Variants in KIFAP3 observed in about 807,000 individuals in gnomAD.
KIFAP3 encodes kinesin-associated protein 3.
A neutral mutation model predicts 106.5 loss-of-function variants in KIFAP3; 68 were observed. That is an observed-to-expected ratio of 0.64 (90% CI 0.53 to 0.78). The LOEUF is 0.78. Among genes scored for constraint, KIFAP3 ranks in the 30% least tolerant of loss-of-function variants. The pLI, the probability that KIFAP3 is intolerant of heterozygous loss-of-function variation, is 0.00. For synonymous variants in KIFAP3, 320 were observed against 311.5 expected, an observed-to-expected ratio of 1.03 and a Z score of -0.29; for missense variants, 780 against 941.8, an observed-to-expected ratio of 0.83 and a Z score of 2.25.
upstream of KIFAP3, among the ~76,000 whole-genome samples, chr1:170,077,061 T>G (rs1366672140): frequency 6.6e-6 from 1 of 152,058 alleles, no homozygotes; most frequent in African/African-American, 2.4e-5. Flanking sequence ...CAATCAGCAC[T>G]CTGTACAAAC....
chr1:170,071,551 G>A lies in KIFAP3; in HGVS notation c.32+2885C>T, dbSNP rs963709626. On this transcript the variant is annotated intron_variant, in intron 1 of 19. Transcript: ENST00000361580. ...GGCTTTTGTGCTTCATTATAACACA[G>A]TGGACAAGATCAAAGGGGAAGTGAG... is the stretch of plus-strand genomic sequence containing the variant. Among the ~76,000 whole-genome samples, 8 of 152,270 alleles carry A rather than the reference G, an allele frequency of 5.3e-5. No individual in the cohort carries two copies. In the East Asian group the frequency reaches 9.6e-4, roughly 18 times the overall value.
intron 1 of KIFAP3, among the ~76,000 whole-genome samples, chr1:170,065,693 G>A (rs1671409741): frequency 6.7e-6 from 1 of 149,828 alleles, no homozygotes; most frequent in Non-Finnish European, 1.5e-5. Context: ...TATGCTGTCT[G>A]ATACAATAGT....
At chr1:169,989,503 C>A (rs572958262) in intron 11 of KIFAP3, among the ~76,000 whole-genome samples, 1 of 151,946 alleles carries the variant, frequency 6.6e-6, no homozygotes, top group Admixed American at 6.6e-5. Context: ...AAAGCAGAAA[C>A]CTTTAGAACA....
chr1:170,066,981 G>A (rs890026745), intron 1 of KIFAP3, among the ~76,000 whole-genome samples: 1 of 151,890 alleles, frequency 6.6e-6, no homozygotes, highest in Non-Finnish European at 1.5e-5. Context: ...GATACTCAAA[G>A]AATAGTCATC....
intron 2 of KIFAP3, among the ~76,000 whole-genome samples, chr1:170,053,268 C>G (rs915748644): frequency 6.6e-6 from 1 of 152,044 alleles, no homozygotes; most frequent in Non-Finnish European, 1.5e-5. Context: ...AATGAAACAC[C>G]TAGGAATACA....
At chr1:169,979,037 TAA>T (rs1171490369) in intron 15 of KIFAP3, among the ~76,000 whole-genome samples, 8 of 152,118 alleles carry the variant, frequency 5.3e-5, no homozygotes, top group Non-Finnish European at 7.4e-5. Flanking sequence ...GTATATTTCT[TAA>T]AAAGAGTATT....
chr1:170,074,604 G>A lies in KIFAP3; in HGVS notation c.-137C>T, dbSNP rs1032678981. The A allele has an allele frequency of 1.6e-5, 24 of 1,528,598 alleles. No individual in the cohort carries two copies. The Admixed American group carries it at 2.0e-4, about 13-fold the overall frequency. The allele number at this position is 1,528,598 out of a possible 1,614,324, so 94.7% of individuals were successfully genotyped here. ...AGGCCTGCAAGGCGGGGCAGCAGCG[G>A]CGCTGTGGTTACCACGGTGAAGCCT... On this transcript the variant is annotated 5_prime_UTR_variant, in exon 1 of 20. Coordinates refer to ENST00000361580, the MANE Select transcript of KIFAP3 (RefSeq NM_014970.4).
At chr1:169,951,110 T>C (rs1664705627) in intron 19 of KIFAP3, among the ~76,000 whole-genome samples, 2 of 151,910 alleles carry the variant, frequency 1.3e-5, no homozygotes, top group Admixed American at 6.6e-5. Context: ...TTGGCTATAT[T>C]GTGTAATCCG....
intron 15 of KIFAP3, among the ~76,000 whole-genome samples, chr1:169,980,866 C>T (rs1194624233): frequency 6.6e-6 from 1 of 152,126 alleles, no homozygotes; most frequent in Admixed American, 6.5e-5. Flanking sequence ...CTTTGGGAGG[C>T]CGAGGTGGGC....
Position 170,038,272 on chromosome 1 carries a change from A to G in KIFAP3, c.517+18T>C, listed in dbSNP as rs1423652351. On this transcript the variant is annotated intron_variant, in intron 5 of 19. Coordinates refer to ENST00000361580, the MANE Select transcript of KIFAP3 (RefSeq NM_014970.4). The stretch of plus-strand genomic sequence containing the variant: ...ACTTATTCCTCTATTATAATTAAAC[A>G]TGTTTTATAGTAATCACCATTCAAT... The G allele has an allele frequency of 1.3e-6, 2 of 1,542,732 alleles. No individual in the cohort carries two copies. The highest frequency in any genetic ancestry group is 1.7e-6 in the Non-Finnish European group (2 of 1,148,524).
At chr1:170,039,943 C>T (rs927277141) in intron 3 of KIFAP3, among the ~76,000 whole-genome samples, 5 of 151,932 alleles carry the variant, frequency 3.3e-5, no homozygotes, top group African/African-American at 1.2e-4. Context: ...CATTTTTTAA[C>T]AAAAAAACTA....
At chr1:170,077,014 C>G (rs1983986), upstream of KIFAP3, among the ~76,000 whole-genome samples, 24,992 of 152,094 alleles carry the variant, frequency 0.16, 2,221 homozygotes, top group Middle Eastern at 0.22. Context: ...ATGCACCAAT[C>G]AGCACTCTGG....
At chr1:169,921,990 T>C (rs192995233) in intron 19 of KIFAP3, among the ~76,000 whole-genome samples, 13 of 152,264 alleles carry the variant, frequency 8.5e-5, no homozygotes, top group African/African-American at 2.9e-4. Context: ...GTTAAAAGTA[T>C]GGGAAACCTC....
intron 5 of KIFAP3, among the ~76,000 whole-genome samples, chr1:170,036,064 T>C (rs1403913243): frequency 6.6e-6 from 1 of 152,032 alleles, no homozygotes; most frequent in Non-Finnish European, 1.5e-5. Context: ...AATATTTCAG[T>C]ATCACACTGA....
At chr1:169,941,987 C>T (rs1664144601) in intron 19 of KIFAP3, among the ~76,000 whole-genome samples, 1 of 151,914 alleles carries the variant, frequency 6.6e-6, no homozygotes, top group Non-Finnish European at 1.5e-5. Flanking sequence ...CATAGTATTT[C>T]CTTTATGTTT....
chr1:169,955,372 T>G (rs946990820), intron 18 of KIFAP3, among the ~76,000 whole-genome samples: 3 of 152,176 alleles, frequency 2.0e-5, no homozygotes, highest in African/African-American at 7.2e-5. Flanking sequence ...ATTAAAAATG[T>G]AATTTATAAT....
intron 3 of KIFAP3, 61 bp downstream of exon 3, chr1:170,046,651 G>T: frequency 7.7e-7 from 1 of 1,299,062 alleles, no homozygotes; most frequent in Admixed American, 2.8e-5. Context: ...ATAGTTGCTT[G>T]ATGAACTATA....
chr1:169,981,545 T>A (rs1666524717), intron 15 of KIFAP3, among the ~76,000 whole-genome samples: 1 of 152,194 alleles, frequency 6.6e-6, no homozygotes, highest in South Asian at 2.1e-4. Flanking sequence ...TGGTTGTTAA[T>A]CTCTTACTGT....
At chr1:170,010,504 A>G (rs1341379113) in intron 10 of KIFAP3, among the ~76,000 whole-genome samples, 2 of 152,012 alleles carry the variant, frequency 1.3e-5, no homozygotes, top group Non-Finnish European at 2.9e-5. Flanking sequence ...GGGCTGAGCT[A>G]TAACACAATT....
Sources: allele counts gnomAD v4.1 joint callset (sites outside exome capture counted in the v4.1 genomes callset), GRCh38; gene constraint gnomAD v4.1.1; transcripts MANE v1.5; gene names NCBI Gene and HGNC (gene_info 2026-07-23, HGNC 2026-07-21).